Variants in TAF12 observed in about 807,000 individuals in gnomAD.
The protein encoded by TAF12 is TATA-box binding protein associated factor 12, also known as transcription initiation factor TFIID subunit 12.
Under a neutral mutation model 20.8 loss-of-function variants are expected in TAF12, and 3 were observed. That is an observed-to-expected ratio of 0.14 (90% confidence interval 0.07 to 0.37). The LOEUF is 0.37. TAF12 is among the 10% of genes least tolerant of loss of function. The probability of loss-of-function intolerance (pLI) is 1.00; values close to 1 mark genes in which losing one functional copy is unlikely to be tolerated. For missense variants in TAF12, 131 were observed against 197.9 expected, an observed-to-expected ratio of 0.66 and a Z score of 2.03; for synonymous variants, 69 against 70.2, an observed-to-expected ratio of 0.98 and a Z score of 0.09.
chr1:28,638,763 G>A (rs1667929761), intron 1 of TAF12, among the ~76,000 whole-genome samples: 1 of 150,984 alleles, frequency 6.6e-6, no homozygotes, highest in African/African-American at 2.4e-5. Context: ...TAGGATTACA[G>A]GCATGAGCCA....
At chr1:28,620,220 G>T (rs1667170206) in intron 2 of TAF12, among the ~76,000 whole-genome samples, 1 of 146,530 alleles carries the variant, frequency 6.8e-6, no homozygotes, top group South Asian at 2.2e-4. Context: ...TGCAACCTCT[G>T]CCTCCCGGGT....
intron 4 of TAF12, among the ~76,000 whole-genome samples, chr1:28,610,527 C>G (rs1666819678): frequency 6.6e-6 from 1 of 152,066 alleles, no homozygotes; most frequent in African/African-American, 2.4e-5. Context: ...GTTAACCAGG[C>G]TAGTCTTGAA....
intron 1 of TAF12, among the ~76,000 whole-genome samples, chr1:28,626,581 CAAAA>C (rs549427311): frequency 1.7e-5 from 1 of 60,284 alleles, no homozygotes. Context: ...AACTCTGTCT[CAAAA>C]AAAAAAAAAA....
At chr1:28,629,383 T>C (rs1286142939) in intron 1 of TAF12, among the ~76,000 whole-genome samples, 2 of 152,198 alleles carry the variant, frequency 1.3e-5, no homozygotes, top group Non-Finnish European at 2.9e-5. Context: ...TCACCCAGGC[T>C]GGAATACAGT....
At chr1:28,630,346 G>T (rs948998355) in intron 1 of TAF12, among the ~76,000 whole-genome samples, 1 of 152,148 alleles carries the variant, frequency 6.6e-6, no homozygotes, top group Non-Finnish European at 1.5e-5. Flanking sequence ...CATGAGGTCA[G>T]GAGTTCGAGA....
intron 1 of TAF12, among the ~76,000 whole-genome samples, chr1:28,626,529 C>T (rs569273610): frequency 2.8e-5 from 4 of 143,076 alleles, no homozygotes; most frequent in South Asian, 2.2e-4. Context: ...TGCAGTGGGC[C>T]GAGATCATGC....
At chr1:28,635,358 TGCAGTGGC>T (rs1480880682) in intron 1 of TAF12, among the ~76,000 whole-genome samples, 1 of 125,716 alleles carries the variant, frequency 8.0e-6, no homozygotes, top group African/African-American at 3.0e-5. Context: ...CAGGCTACAG[TGCAGTGGC>T]GCAATCTTGG....
intron 1 of TAF12, among the ~76,000 whole-genome samples, chr1:28,631,355 C>T (rs1277490891): frequency 6.6e-6 from 1 of 151,786 alleles, no homozygotes; most frequent in Non-Finnish European, 1.5e-5. Flanking sequence ...GAAGCCCCGT[C>T]TCTACTAAAA....
At chr1:28,607,597 G>C (rs904737140) in intron 4 of TAF12, among the ~76,000 whole-genome samples, 2 of 151,940 alleles carry the variant, frequency 1.3e-5, no homozygotes, top group African/African-American at 4.8e-5. Context: ...ACTTGAACCT[G>C]GGAGGCAGAG....
chr1:28,643,071 C>CT (rs1668093640), upstream of TAF12: 4 of 985,824 alleles, frequency 4.1e-6, no homozygotes, highest in African/African-American at 5.2e-5. Context: ...TCCGACTGCG[C>CT]GGCCCTCCCC....
At chr1:28,613,666 C>T (rs1288002684) in intron 3 of TAF12, among the ~76,000 whole-genome samples, 1 of 152,212 alleles carries the variant, frequency 6.6e-6, no homozygotes, top group Non-Finnish European at 1.5e-5. Flanking sequence ...TTCAATTCCT[C>T]ACTCACAGTA....
upstream of TAF12, among the ~76,000 whole-genome samples, chr1:28,645,104 C>T (rs1280955493): frequency 6.6e-6 from 1 of 151,530 alleles, no homozygotes; most frequent in Non-Finnish European, 1.5e-5. Flanking sequence ...GGAGCTATCT[C>T]GGCTCACTGC....
At chr1:28,627,851 T>C (rs1030334000) in intron 1 of TAF12, among the ~76,000 whole-genome samples, 1 of 151,956 alleles carries the variant, frequency 6.6e-6, no homozygotes, top group Non-Finnish European at 1.5e-5. Context: ...CTATAAAAAC[T>C]AAACGAAACA....
intron 4 of TAF12, among the ~76,000 whole-genome samples, chr1:28,611,539 AAGAGACACAGAGAC>A (rs1222547846): frequency 4.0e-4 from 59 of 145,716 alleles, no homozygotes; most frequent in Admixed American, 8.1e-4. Context: ...AGAAGAAAAG[AAGAGACACAGAGAC>A]AGAGACACAG....
In TAF12 at chr1:28,613,334, T is replaced by C; in HGVS notation, c.274A>G (p.Ile92Val). 6.2e-7 allele frequency: 1 copy of C among 1,611,554 alleles called. No homozygotes were observed. The highest frequency in any genetic ancestry group is 1.1e-5 in the South Asian group (1 of 90,162). The change falls in exon 4 of 6, where the codon ATC becomes GTC. Residue 92 changes from isoleucine (I) to valine (V), a missense_variant. Ile to Val is a conservative substitution (Grantham distance 29). Transcript: ENST00000373824. ...CAGGCTGCTGTCACCACACTCTCGA[T>C]AAAATCATCAGCAATCTGCAGCAGC... ...EMLLQIADDFIESVVTAACQL... is the reference protein window; with the variant it reads ...EMLLQIADDFVESVVTAACQL...
intron 3 of TAF12, among the ~76,000 whole-genome samples, chr1:28,615,866 T>C (rs2124320975): frequency 6.6e-6 from 1 of 152,248 alleles, no homozygotes; most frequent in Non-Finnish European, 1.5e-5. Flanking sequence ...TAAAGTCTTG[T>C]GGTCTGCTAG....
intron 1 of TAF12, 75 bp from the exon 2 acceptor site, chr1:28,622,240 C>T (rs933748988): frequency 1.5e-6 from 2 of 1,360,126 alleles, no homozygotes; most frequent in Non-Finnish European, 1.9e-6. Flanking sequence ...TAAAAAGAGG[C>T]CTGGTGCAAT....
intron 2 of TAF12, among the ~76,000 whole-genome samples, chr1:28,619,962 A>G (rs912718997): frequency 2.6e-5 from 4 of 151,332 alleles, no homozygotes; most frequent in African/African-American, 9.7e-5. Context: ...AAAAAAAAAG[A>G]GAGAGAGACA....
At chr1:28,630,587 A>G (rs925577287) in intron 1 of TAF12, among the ~76,000 whole-genome samples, 17 of 151,978 alleles carry the variant, frequency 1.1e-4, no homozygotes, top group Non-Finnish European at 1.8e-4. Flanking sequence ...CATATACCTA[A>G]TGTAAAAATA....
Sources: gnomAD v4.1 joint callset for allele counts (sites outside exome capture counted in the v4.1 genomes callset) on GRCh38, gnomAD v4.1.1 for gene constraint, MANE v1.5 for transcripts, NCBI Gene and HGNC (gene_info 2026-07-23, HGNC 2026-07-21) for gene names.